TTLL5: variants seen among roughly 807,000 people sequenced by gnomAD.
TTLL5 encodes tubulin polyglutamylase TTLL5.
A neutral mutation model predicts 168.4 loss-of-function variants in TTLL5; 132 were observed. The observed-to-expected ratio is 0.78, with a 90% CI of 0.68 to 0.91. The LOEUF (loss-of-function observed/expected upper bound fraction) is 0.91. TTLL5 is among the 40% of genes least tolerant of loss of function. The pLI is 0.00. For synonymous variants in TTLL5, 546 were observed against 558.6 expected, an observed-to-expected ratio of 0.98 and a Z score of 0.32; for missense variants, 1,545 against 1,581.5, an observed-to-expected ratio of 0.98 and a Z score of 0.39.
At chr14:75,692,818 A>G (rs1234244559) in intron 6 of TTLL5, among the ~76,000 whole-genome samples, 2 of 152,152 alleles carry the variant, frequency 1.3e-5, no homozygotes, top group Non-Finnish European at 2.9e-5. Context: ...GAGGAATGTT[A>G]CATTTTGGAC....
Position 75,907,719 on chromosome 14 carries a change from A to T in TTLL5, c.3823+5495A>T, listed in dbSNP as rs550783775. On this transcript the variant is annotated intron_variant, in intron 31 of 31. Transcript: ENST00000298832. ...ATACCAAAATTTACTGGAGAAACTGAAAACAACCAGAGTTCTTTTGGTAAT... is the reference window on the plus strand; with the variant it reads ...ATACCAAAATTTACTGGAGAAACTGTAAACAACCAGAGTTCTTTTGGTAAT... Among the ~76,000 whole-genome samples the T allele has an allele frequency of 5.3e-5, 8 of 152,342 alleles. No individual in the cohort carries two copies. In the East Asian group the frequency reaches 1.2e-3, roughly 22 times the overall value.
At chr14:75,894,158 AT>A (rs2032542615) in intron 30 of TTLL5, among the ~76,000 whole-genome samples, 1 of 152,200 alleles carries the variant, frequency 6.6e-6, no homozygotes, top group Non-Finnish European at 1.5e-5. Context: ...TTAGGAAAAA[AT>A]AGCTAAATAA....
At chr14:75,803,697 G>A (rs933853661) in intron 27 of TTLL5, among the ~76,000 whole-genome samples, 1 of 152,156 alleles carries the variant, frequency 6.6e-6, no homozygotes, top group African/African-American at 2.4e-5. Flanking sequence ...CTTGCACCTG[G>A]GCTGGGGGCA....
At chr14:75,798,868 C>T (rs115663735) in intron 27 of TTLL5, among the ~76,000 whole-genome samples, 2,300 of 152,050 alleles carry the variant, frequency 0.015, 61 homozygotes, top group African/African-American at 0.053. Flanking sequence ...TGTTGAGACT[C>T]GTTTTGTGGC....
At chr14:75,876,608 A>G (rs1034901385) in intron 29 of TTLL5, among the ~76,000 whole-genome samples, 21 of 152,190 alleles carry the variant, frequency 1.4e-4, no homozygotes, top group African/African-American at 5.1e-4. Flanking sequence ...AAGAGGAGCA[A>G]CTTCTGGATT....
In TTLL5 at chr14:75,820,029, C is replaced by T. The variant is rs1894738255; in HGVS notation, c.3194C>T (p.Thr1065Ile). The T allele has an allele frequency of 1.2e-6, 2 of 1,603,096 alleles. No individual in the cohort carries two copies. The highest frequency in any genetic ancestry group is 1.1e-5 in the South Asian group (1 of 89,244). ...TAGGTAACAAACCTGAATTTGGCAA[C>T]TGGCATCATAAACAGAAGCAGTGCT... ...TQQVTNLNLA[T>I]GIINRSSASA... The change falls in exon 28 of 32, where the codon ACT becomes ATT. Residue 1065 changes from threonine (T) to isoleucine (I), a missense_variant. By Grantham distance (89) the Thr-to-Ile change is moderately conservative (BLOSUM62 -1). Coordinates refer to ENST00000298832, the MANE Select transcript of TTLL5 (RefSeq NM_015072.5).
At chr14:75,924,786 A>G (rs1204800738) in intron 31 of TTLL5, among the ~76,000 whole-genome samples, 2 of 151,848 alleles carry the variant, frequency 1.3e-5, no homozygotes, top group African/African-American at 2.4e-5. Flanking sequence ...CCCGCTCTCA[A>G]TGAGCTGCTG....
At chr14:75,799,391 T>C (rs1893162543) in intron 27 of TTLL5, among the ~76,000 whole-genome samples, 1 of 152,118 alleles carries the variant, frequency 6.6e-6, no homozygotes, top group African/African-American at 2.4e-5. Context: ...TTCCTGAACT[T>C]ATATGTTAGT....
intron 27 of TTLL5, among the ~76,000 whole-genome samples, chr14:75,793,884 T>C (rs1892855009): frequency 6.6e-6 from 1 of 152,220 alleles, no homozygotes; most frequent in Non-Finnish European, 1.5e-5. Context: ...AACTCCACAG[T>C]TATATTTTGC....
intron 3 of TTLL5, 83 bp downstream of exon 3, chr14:75,669,605 A>G: frequency 8.6e-7 from 1 of 1,162,086 alleles, no homozygotes; most frequent in African/African-American, 1.5e-5. Context: ...TGACATATAT[A>G]TAGGGAAAGG....
At chr14:75,689,049 C>CT (rs1294528496) in intron 5 of TTLL5, among the ~76,000 whole-genome samples, 1 of 152,186 alleles carries the variant, frequency 6.6e-6, no homozygotes, top group Non-Finnish European at 1.5e-5. Flanking sequence ...GTGATTATCG[C>CT]TTCTGAGACT....
chr14:75,803,255 T>C (rs1022629109), intron 27 of TTLL5: 1 of 152,084 alleles, frequency 6.6e-6, no homozygotes, highest in Admixed American at 6.5e-5. Flanking sequence ...TAGCTAAAGG[T>C]AAAGAAGCAA....
chr14:75,792,796 A>G, intron 26 of TTLL5, 120 bp from the exon 27 acceptor site: 1 of 787,728 alleles, frequency 1.3e-6, no homozygotes, highest in Non-Finnish European at 1.8e-6. Context: ...TTTCTCCTAT[A>G]TTATTAAAGA....
At chr14:75,895,286 C>A (rs1456952693) in intron 30 of TTLL5, among the ~76,000 whole-genome samples, 2 of 152,080 alleles carry the variant, frequency 1.3e-5, no homozygotes, top group Non-Finnish European at 2.9e-5. Flanking sequence ...TGATTCTGAG[C>A]CCTGAAATTC....
At chr14:75,732,279 C>T (rs371681016) in intron 12 of TTLL5, 59 bp from the exon 13 acceptor site, 45 of 1,501,410 alleles carry the variant, frequency 3.0e-5, no homozygotes, top group Non-Finnish European at 4.0e-5. Context: ...TCTTCTAGAT[C>T]TTTGTGTAGT....
chr14:75,942,036 C>G (rs2140196382), intron 31 of TTLL5, among the ~76,000 whole-genome samples: 1 of 151,152 alleles, frequency 6.6e-6, no homozygotes. Context: ...AAAAAACTAG[C>G]CAGGTGTGTG....
chr14:75,864,421 G>A (rs1032175713), intron 29 of TTLL5, among the ~76,000 whole-genome samples: 15 of 152,122 alleles, frequency 9.9e-5, no homozygotes, highest in African/African-American at 3.6e-4. Flanking sequence ...TGTGTACTAG[G>A]CACTGTTTTA....
chr14:75,887,356 G>C (rs1360677547), intron 30 of TTLL5: 1 of 980,584 alleles, frequency 1.0e-6, no homozygotes, highest in African/African-American at 1.7e-5. Flanking sequence ...TAAGGGCAAA[G>C]TAATTAGGAC....
intron 13 of TTLL5, 110 bp from the exon 14 acceptor site, chr14:75,733,879 T>G: frequency 9.9e-7 from 1 of 1,008,708 alleles, no homozygotes; most frequent in Non-Finnish European, 1.5e-6. Context: ...CTTTATGTGT[T>G]GCTCTTCATT....
Sources: allele counts gnomAD v4.1 joint callset (sites outside exome capture counted in the v4.1 genomes callset), GRCh38; gene constraint gnomAD v4.1.1; transcripts MANE v1.5; gene names NCBI Gene and HGNC (gene_info 2026-07-23, HGNC 2026-07-21).